PCDH15: variants seen among roughly 807,000 people sequenced by gnomAD.
PCDH15 encodes the protein protocadherin related 15, also known as protocadherin-15.
Under a neutral mutation model 178.5 loss-of-function variants are expected in PCDH15, and 129 were observed. The observed-to-expected ratio is 0.72, with a 90% CI of 0.63 to 0.84. PCDH15 has a LOEUF of 0.84. Among genes scored for constraint, PCDH15 ranks in the 40% least tolerant of loss-of-function variants. PCDH15 has a pLI of 0.00. For synonymous variants in PCDH15, 800 were observed against 732.0 expected, an observed-to-expected ratio of 1.09 and a Z score of -1.50; for missense variants, 2,230 against 2,099.9, an observed-to-expected ratio of 1.06 and a Z score of -1.21.
At chr10:54,235,894 G>A (rs2054582316) in intron 9 of PCDH15, among the ~76,000 whole-genome samples, 1 of 152,142 alleles carries the variant, frequency 6.6e-6, no homozygotes, top group South Asian at 2.1e-4. Context: ...CTCTGCTTAT[G>A]ATATTTGTGT....
At position 54,704,577 on chromosome 10, in the gene PCDH15, C is replaced by T. The variant is rs191913561; in HGVS notation, c.-28-40287G>A. Among the ~76,000 whole-genome samples the T allele has an allele frequency of 1.2e-3, 185 of 152,136 alleles. 1 individual carries two copies. Among genetic ancestry groups the T allele is most frequent in the African/African-American group, 4.1e-3 (171 of 41,534 alleles). On this transcript the variant is annotated intron_variant, in intron 1 of 37. Transcript: ENST00000644397. The stretch of plus-strand genomic sequence containing the variant: ...ATGCAGCTAACAAGCATGTGAAAAA[C>T]GCTCATTATCACTAATTATTAGAGA...
intron 29 of PCDH15, among the ~76,000 whole-genome samples, chr10:53,836,559 A>T (rs1194923753): frequency 1.3e-5 from 2 of 152,218 alleles, no homozygotes; most frequent in African/African-American, 4.8e-5. Context: ...TCCACCAATA[A>T]AAGAATTTTT....
At chr10:54,121,485 G>A (rs1049214959) in intron 15 of PCDH15, among the ~76,000 whole-genome samples, 5 of 151,886 alleles carry the variant, frequency 3.3e-5, no homozygotes, top group African/African-American at 9.7e-5. Flanking sequence ...TCCACACAAA[G>A]GATAAATGAA....
At position 55,460,745 on chromosome 10, in the gene PCDH15, T is replaced by C. The variant is rs562795246; in HGVS notation, c.-156+166880A>G. ...TATCTCATTATGGGTCATATGTTCCTGCCTCTTTGCATGCCTATCTTGAAT... is the reference window on the plus strand; with the variant it reads ...TATCTCATTATGGGTCATATGTTCCCGCCTCTTTGCATGCCTATCTTGAAT... On this transcript the variant is annotated intron_variant, in intron 2 of 5. Coordinates refer to the PCDH15 transcript ENST00000613346. Among the ~76,000 whole-genome samples, 280 of 152,256 alleles carry C rather than the reference T, an allele frequency of 1.8e-3. 3 individuals are homozygous for C. The highest frequency in any genetic ancestry group is 6.8e-3 in the Middle Eastern group (2 of 294).
chr10:54,079,134 A>C (rs565665020), intron 17 of PCDH15, among the ~76,000 whole-genome samples, 197 bp downstream of exon 17: 40 of 152,186 alleles, frequency 2.6e-4, no homozygotes, highest in Non-Finnish European at 4.9e-4. Flanking sequence ...GTCAAGTCAA[A>C]GGTTGCAGCA....
At chr10:53,971,754 G>C (rs999342755) in intron 21 of PCDH15, among the ~76,000 whole-genome samples, 3 of 152,062 alleles carry the variant, frequency 2.0e-5, no homozygotes, top group African/African-American at 7.2e-5. Context: ...CCTCTTCAAG[G>C]AGAACTACAA....
At chr10:55,518,967 G>A (rs1246345832) in intron 2 of PCDH15, among the ~76,000 whole-genome samples, 3 of 151,372 alleles carry the variant, frequency 2.0e-5, no homozygotes, top group Non-Finnish European at 2.9e-5. Flanking sequence ...GGTGTCGTGC[G>A]CCTGTAGTCC....
rs1323656875 is a variant in PCDH15, at chr10:54,018,851, G to A, written c.2751+1341C>T. Among the ~76,000 whole-genome samples the A allele has an allele frequency of 4.0e-5, 6 of 151,822 alleles. No homozygotes were observed. In the East Asian group the frequency reaches 1.2e-3, roughly 29 times the overall value. The stretch of plus-strand genomic sequence containing the variant: ...AGAAACTTGATATCTATAGTCACTT[G>A]GTAAAATCTGAGCCATAATTATCAA... On this transcript the variant is annotated intron_variant, in intron 20 of 37. Transcript: ENST00000644397.
chr10:55,166,063 G>A (rs1839188832), intron 2 of PCDH15, among the ~76,000 whole-genome samples: 2 of 152,154 alleles, frequency 1.3e-5, no homozygotes, highest in South Asian at 4.1e-4. Flanking sequence ...TGTAATTGAA[G>A]CACAAGCCTC....
chr10:54,317,582 C>T (rs905927986), intron 7 of PCDH15, 141 bp from the exon 8 acceptor site: 10 of 941,466 alleles, frequency 1.1e-5, no homozygotes, highest in Admixed American at 3.6e-5. Context: ...TGATACCAGC[C>T]TGGCAAACAT....
chr10:54,555,605 C>A (rs1235757885), intron 2 of PCDH15, among the ~76,000 whole-genome samples: 2 of 150,870 alleles, frequency 1.3e-5, no homozygotes, highest in Admixed American at 6.6e-5. Flanking sequence ...GGTGTGGTGG[C>A]AGGCACCTGT....
rs139847290 is a variant in PCDH15, at chr10:55,419,347, T to C, written c.-156+208278A>G. 4.0e-3 allele frequency among the ~76,000 whole-genome samples: 603 copies of C among 151,884 alleles called. 7 individuals carry two copies. Among genetic ancestry groups the C allele is most frequent in the Non-Finnish European group, 8.3e-4 (56 of 67,818 alleles). Reference sequence around the variant, plus strand: ...ATGACAGTAAGTAAGCAGGTGTCCATAGATCTTCCAGCATTACAAAACTCC... The same window carrying C: ...ATGACAGTAAGTAAGCAGGTGTCCACAGATCTTCCAGCATTACAAAACTCC... On this transcript the variant is annotated intron_variant, in intron 2 of 5. Transcript: ENST00000613346.
chr10:53,834,986 A>G (rs1019702328), intron 29 of PCDH15, among the ~76,000 whole-genome samples: 14 of 152,202 alleles, frequency 9.2e-5, no homozygotes, highest in African/African-American at 3.4e-4. Flanking sequence ...AGTGGTTAAC[A>G]TATCTACCTA....
At chr10:55,450,581 AT>A (rs985717326) in intron 2 of PCDH15, among the ~76,000 whole-genome samples, 13 of 151,644 alleles carry the variant, frequency 8.6e-5, no homozygotes, top group Admixed American at 2.6e-4. Flanking sequence ...ATGTTGTACA[AT>A]TTTTTTTTAC....
At chr10:54,184,861 G>A (rs1484612257) in intron 12 of PCDH15, among the ~76,000 whole-genome samples, 1 of 151,574 alleles carries the variant, frequency 6.6e-6, no homozygotes, top group Non-Finnish European at 1.5e-5. Flanking sequence ...AATTATGACT[G>A]TTTAGTAAAG....
intron 4 of PCDH15, among the ~76,000 whole-genome samples, chr10:54,370,949 T>C (rs1947568226): frequency 6.6e-6 from 1 of 151,822 alleles, no homozygotes; most frequent in African/African-American, 2.4e-5. Flanking sequence ...TGAGGCATCA[T>C]TGACATACGA....
intron 32 of PCDH15, chr10:53,821,585 C>T (rs2076272552): frequency 1.7e-6 from 2 of 1,155,522 alleles, no homozygotes; most frequent in Middle Eastern, 3.8e-4. Flanking sequence ...CACATATTCC[C>T]ACTAAAAAAG....
intron 2 of PCDH15, chr10:54,606,846 A>C (rs181377628): frequency 6.6e-6 from 1 of 152,248 alleles, no homozygotes; most frequent in Non-Finnish European, 1.5e-5. Context: ...AACCCATCAG[A>C]AACCAAAAGT....
intron 5 of PCDH15, among the ~76,000 whole-genome samples, chr10:54,348,738 T>C (rs897931865): frequency 1.3e-5 from 2 of 152,224 alleles, no homozygotes; most frequent in African/African-American, 2.4e-5. Flanking sequence ...TAGATAGTTA[T>C]TAACTATAGT....
Sources: allele counts gnomAD v4.1 joint callset (sites outside exome capture counted in the v4.1 genomes callset), GRCh38; gene constraint gnomAD v4.1.1; transcripts MANE v1.5; gene names NCBI Gene and HGNC (gene_info 2026-07-23, HGNC 2026-07-21).